Variants in USP9Y observed in about 807,000 individuals in gnomAD.
USP9Y encodes ubiquitin carboxyl-terminal hydrolase 9Y.
A neutral mutation model predicts 53.1 loss-of-function variants in USP9Y; 41 were observed. The ratio of observed to expected loss-of-function variants is 0.77; its 90% CI spans 0.60 to 1.00. The LOEUF (loss-of-function observed/expected upper bound fraction) is 1.00, where lower values mean the gene tolerates loss of function less well. Ranked by LOEUF, USP9Y falls within the 50% of genes least tolerant of loss-of-function variation. The pLI is 0.00. For missense variants in USP9Y, 567 were observed against 535.8 expected (o/e 1.06, Z -0.58); for synonymous variants, 220 against 173.7 (o/e 1.27, Z -2.09).
chrY:12,813,658 A>G (rs2053533288), intron 31 of USP9Y, among the ~76,000 whole-genome samples: 1 of 34,080 alleles, frequency 2.9e-5, no homozygotes, highest in Non-Finnish European at 7.3e-5. Context: ...AATATAATTA[A>G]TAACAGCATT....
chrY:12,821,845 G>C (rs759191720), intron 33 of USP9Y, among the ~76,000 whole-genome samples: 55 of 32,690 alleles, frequency 1.7e-3, no homozygotes, highest in Admixed American at 2.8e-3. Flanking sequence ...GTAGAGACAG[G>C]GTTTTTAGTA....
At chrY:12,750,380 C>A in intron 12 of USP9Y, among the ~76,000 whole-genome samples, 2 of 32,703 alleles carry the variant, frequency 6.1e-5, no homozygotes, top group Admixed American at 2.8e-4. Context: ...TGTTCTTTTC[C>A]AATTATATAA....
At chrY:12,749,655 C>T in intron 12 of USP9Y, among the ~76,000 whole-genome samples, 2 of 33,669 alleles carry the variant, frequency 5.9e-5, no homozygotes, top group Non-Finnish European at 1.5e-4. Flanking sequence ...GTCCAAGGAG[C>T]ATTTGTTAAA....
chrY:12,774,725 C>T (rs1603199287), intron 17 of USP9Y, among the ~76,000 whole-genome samples: 2 of 32,975 alleles, frequency 6.1e-5, no homozygotes, highest in African/African-American at 2.4e-4. Flanking sequence ...ATAAAGCTAA[C>T]TTTCCCATAT....
intron 32 of USP9Y, among the ~76,000 whole-genome samples, chrY:12,817,031 G>T (rs2053537153): frequency 2.9e-5 from 1 of 34,409 alleles, no homozygotes; most frequent in Non-Finnish European, 7.3e-5. Flanking sequence ...GGTCAAGGCG[G>T]GCAGATCACC....
intron 27 of USP9Y, among the ~76,000 whole-genome samples, chrY:12,796,267 A>G: frequency 2.4e-4 from 8 of 33,174 alleles, no homozygotes; most frequent in Admixed American, 1.9e-3. Context: ...GTTTATTAAG[A>G]AAGTAGAGGA....
In USP9Y at chrY:12,776,770, G is replaced by A; in HGVS notation, c.2549G>A (p.Arg850Gln). 2 of 396,229 alleles carry A rather than the reference G, an allele frequency of 5.0e-6. No individual in the cohort carries two copies. The highest frequency in any genetic ancestry group is 9.3e-5 in the East Asian group (1 of 10,807). The change falls in exon 19 of 46, where the codon CGA becomes CAA. Residue 850 changes from arginine (R) to glutamine (Q), a missense_variant. By Grantham distance (43) the Arg-to-Gln change is conservative. Coordinates refer to ENST00000338981, the MANE Select transcript of USP9Y (RefSeq NM_004654.4). ...SINCARQEAI[R>Q]MVRVLTVIKE... ...AATTGTGCAAGACAAGAAGCCATTC[G>A]AATGGTTAGAGTATTAACTGTTATA...
chrY:12,742,213 C>A (rs2053457255), intron 12 of USP9Y, among the ~76,000 whole-genome samples: 1 of 33,301 alleles, frequency 3.0e-5, no homozygotes, highest in Admixed American at 2.7e-4. Flanking sequence ...AAGCCACAGA[C>A]CCTCCTGGTG....
chrY:12,779,532 T>A lies in USP9Y; in HGVS notation c.3037T>A (p.Ser1013Thr). The change falls in exon 22 of 46, where the codon TCA becomes ACA. Residue 1013 changes from serine to threonine, a missense_variant. Ser to Thr is a moderately conservative substitution (Grantham distance 58). Transcript: ENST00000338981. Reference sequence around the variant, plus strand: ...TGTATATTCTGTATTCTAGATAATGTCAGTGCATCCCAGATACATCTCTTT... The same window carrying A: ...TGTATATTCTGTATTCTAGATAATGACAGTGCATCCCAGATACATCTCTTT... ...VESCLPGVIMSVHPRYISFLW... is the reference protein window; with the variant it reads ...VESCLPGVIMTVHPRYISFLW... 3.0e-5 allele frequency: 12 copies of A among 397,382 alleles called. No homozygotes were observed. The highest frequency in any genetic ancestry group is 4.2e-5 in the Non-Finnish European group (12 of 282,474).
intron 22 of USP9Y, 93 bp downstream of exon 22, chrY:12,779,739 A>T: frequency 3.7e-6 from 1 of 269,596 alleles, no homozygotes; most frequent in Non-Finnish European, 6.0e-6. Context: ...TCTGTTTGCA[A>T]ATCTAATATA....
At chrY:12,816,812 G>A in intron 32 of USP9Y, among the ~76,000 whole-genome samples, 5 of 33,503 alleles carry the variant, frequency 1.5e-4, no homozygotes, top group East Asian at 7.7e-4. Context: ...AATGCTTCAC[G>A]GACCTGTTAA....
At chrY:12,825,969 T>C (rs761843885) in intron 33 of USP9Y, among the ~76,000 whole-genome samples, 30 of 30,401 alleles carry the variant, frequency 9.9e-4, no homozygotes, top group African/African-American at 3.7e-3. Context: ...GGAGTTTCAC[T>C]CTTGTTGCCC....
At chrY:12,722,066 T>C in intron 4 of USP9Y, 42 bp from the exon 5 acceptor site, 2 of 333,160 alleles carry the variant, frequency 6.0e-6, no homozygotes, top group Admixed American at 1.5e-4. Flanking sequence ...TCCTTTACTA[T>C]GAAACCAGTA....
Position 12,840,733 on chromosome Y carries a change from G to A in USP9Y, c.6088+119G>A. On this transcript the variant is annotated intron_variant, in intron 36 of 45. Coordinates refer to ENST00000338981, the MANE Select transcript of USP9Y (RefSeq NM_004654.4). ...TTCAGTTTTCTTTTATTTTTTCATA[G>A]AATCTTTAACCTCATTTTATATGAA... 1.8e-5 allele frequency: 4 copies of A among 222,050 alleles called. No individual in the cohort carries two copies. In the South Asian group the frequency reaches 1.9e-4, roughly 11 times the overall value. The allele number at this position is 222,050 out of a possible 400,897, so 55.4% of individuals were successfully genotyped here.
intron 37 of USP9Y, 37 bp downstream of exon 37, chrY:12,841,170 A>G (rs1569392898): frequency 2.7e-6 from 1 of 372,558 alleles, no homozygotes; most frequent in Non-Finnish European, 3.8e-6. Flanking sequence ...TAGTACTTAT[A>G]GTTGTTTGGT....
intron 33 of USP9Y, among the ~76,000 whole-genome samples, chrY:12,829,724 A>G: frequency 5.9e-5 from 2 of 33,846 alleles, no homozygotes; most frequent in Non-Finnish European, 1.5e-4. Flanking sequence ...AATATTAAAA[A>G]GTACATAATT....
intron 15 of USP9Y, among the ~76,000 whole-genome samples, chrY:12,769,364 A>G: frequency 2.9e-5 from 1 of 33,931 alleles, no homozygotes; most frequent in African/African-American, 1.1e-4. Context: ...CATTCTAAAC[A>G]TTCTATTCCA....
At chrY:12,729,233 G>A in intron 7 of USP9Y, among the ~76,000 whole-genome samples, 1 of 33,826 alleles carries the variant, frequency 3.0e-5, no homozygotes, top group East Asian at 7.8e-4. Flanking sequence ...ATAAATTTTC[G>A]GTTGTTGATT....
intron 7 of USP9Y, among the ~76,000 whole-genome samples, chrY:12,732,633 C>T: frequency 3.7e-4 from 12 of 32,547 alleles, no homozygotes; most frequent in Non-Finnish European, 6.8e-4. Context: ...TGAACCACCA[C>T]ACCTGGCCAC....
Sources: gnomAD v4.1 joint callset for allele counts (sites outside exome capture counted in the v4.1 genomes callset) on GRCh38, gnomAD v4.1.1 for gene constraint, MANE v1.5 for transcripts, NCBI Gene and HGNC (gene_info 2026-07-23, HGNC 2026-07-21) for gene names.